GABRA5: variants seen among roughly 807,000 people sequenced by gnomAD.
The protein encoded by GABRA5 is gamma-aminobutyric acid type A receptor subunit alpha5, also known as gamma-aminobutyric acid receptor subunit alpha-5.
Under a neutral mutation model 47.3 loss-of-function variants are expected in GABRA5, and 18 were observed. The ratio of observed to expected loss-of-function variants is 0.38; its 90% CI spans 0.26 to 0.56. The LOEUF is 0.56. Among genes scored for constraint, GABRA5 ranks in the 20% least tolerant of loss-of-function variants. The pLI is 0.71. For missense variants in GABRA5, 365 were observed against 599.3 expected (o/e 0.61, Z 4.08); for synonymous variants, 237 against 229.3 (o/e 1.03, Z -0.30).
intron 4 of GABRA5, among the ~76,000 whole-genome samples, chr15:26,882,755 AT>A (rs1892764003): frequency 6.6e-6 from 1 of 151,892 alleles, no homozygotes; most frequent in Non-Finnish European, 1.5e-5. Context: ...CTCATCCTGA[AT>A]TGTCTGATGC....
intron 8 of GABRA5, chr15:26,939,661 T>C (rs1014027810): frequency 3.4e-6 from 2 of 596,748 alleles, no homozygotes; most frequent in African/African-American, 3.7e-5. Context: ...GACTGGAGAT[T>C]AGTAAAACAC....
chr15:26,876,629 G>A (rs1022679043), intron 3 of GABRA5, among the ~76,000 whole-genome samples: 1 of 152,174 alleles, frequency 6.6e-6, no homozygotes, highest in Non-Finnish European at 1.5e-5. Context: ...GTGAAGGCCT[G>A]GCAGAGTGGT....
intron 6 of GABRA5, among the ~76,000 whole-genome samples, chr15:26,892,930 A>G (rs562270911): frequency 6.8e-6 from 1 of 147,596 alleles, no homozygotes; most frequent in African/African-American, 2.5e-5. Context: ...TGATGTGTGT[A>G]TGGATGCGTG....
chr15:26,909,533 GC>G (rs1173552255), intron 6 of GABRA5, among the ~76,000 whole-genome samples: 1 of 152,182 alleles, frequency 6.6e-6, no homozygotes, highest in Non-Finnish European at 1.5e-5. Context: ...CTACAGTCAA[GC>G]TGTTGGCAGG....
intron 6 of GABRA5, among the ~76,000 whole-genome samples, chr15:26,890,976 T>A (rs1482118842): frequency 6.6e-6 from 1 of 152,200 alleles, no homozygotes; most frequent in Non-Finnish European, 1.5e-5. Flanking sequence ...GCCAATTTAA[T>A]AAAGAGTCAG....
intron 6 of GABRA5, among the ~76,000 whole-genome samples, chr15:26,892,021 G>A (rs920676445): frequency 6.6e-6 from 1 of 152,248 alleles, no homozygotes; most frequent in Non-Finnish European, 1.5e-5. Context: ...CCGCCTGGCA[G>A]GAGTGAGGCA....
chr15:26,902,900 A>G (rs146008306), intron 6 of GABRA5, among the ~76,000 whole-genome samples: 1,822 of 152,230 alleles, frequency 0.012, 21 homozygotes, highest in Middle Eastern at 0.02. Flanking sequence ...TAATATGAAC[A>G]TGTGATTTTT....
intron 10 of GABRA5, among the ~76,000 whole-genome samples, chr15:26,947,139 GA>G (rs1433715521): frequency 6.6e-6 from 1 of 152,178 alleles, no homozygotes; most frequent in Admixed American, 6.5e-5. Flanking sequence ...TGAAGGTAAA[GA>G]AGCGATGGCT....
In GABRA5 at chr15:26,948,394, T is replaced by A. The variant is rs1471568007; in HGVS notation, c.*161T>A. 5 of 660,564 alleles carry A rather than the reference T, an allele frequency of 7.6e-6. No homozygotes were observed. The highest frequency in any genetic ancestry group is 5.5e-5 in the African/African-American group (3 of 54,816). 40.9% of individuals were successfully genotyped at this position (660,564 alleles called of 1,614,324 possible). On this transcript the variant is annotated 3_prime_UTR_variant, in exon 11 of 11. Transcript: ENST00000335625. The stretch of plus-strand genomic sequence containing the variant: ...ATAATATTGCCTTGATGTTTCTATA[T>A]GTAACTTCAGATGTTTCCAAGATGT...
At chr15:26,902,002 T>C (rs1893338873) in intron 6 of GABRA5, among the ~76,000 whole-genome samples, 1 of 152,072 alleles carries the variant, frequency 6.6e-6, no homozygotes, top group South Asian at 2.1e-4. Flanking sequence ...CTTCTATTTA[T>C]CTAGTTGTCT....
intron 7 of GABRA5, among the ~76,000 whole-genome samples, chr15:26,930,561 T>G (rs1595430383): frequency 6.6e-6 from 1 of 152,182 alleles, no homozygotes; most frequent in East Asian, 1.9e-4. Context: ...TGTTCCTCAT[T>G]TTTTGTCTGA....
Position 26,883,552 on chromosome 15 carries a change from C to T in GABRA5, c.492C>T (p.Thr164=), listed in dbSNP as rs1244967251. The T allele has an allele frequency of 3.8e-6, 6 of 1,591,774 alleles. No homozygotes were observed. Among genetic ancestry groups the T allele is most frequent in the East Asian group, 2.2e-5 (1 of 44,480 alleles). ...AGGACGACGGCACCCTGCTCTACACCATGCGGTGAGCGCCGGGCGGGGGCG... is the reference window on the plus strand; with the variant it reads ...AGGACGACGGCACCCTGCTCTACACTATGCGGTGAGCGCCGGGCGGGGGCG... ...RLEDDGTLLY[T]MRLTISAECP... is the part of the protein sequence containing the mutation. Residue 164 remains threonine (T), a synonymous_variant, in exon 6 of 11, where the codon ACC becomes ACT. Coordinates refer to ENST00000335625, the MANE Select transcript of GABRA5 (RefSeq NM_000810.4). This position sits in a 1 kb window ranked among gnomAD's most constrained non-coding sequence, Gnocchi z 4.8.
chr15:26,887,447 A>G (rs1892905854), intron 6 of GABRA5, among the ~76,000 whole-genome samples: 1 of 152,114 alleles, frequency 6.6e-6, no homozygotes, highest in Non-Finnish European at 1.5e-5. Flanking sequence ...CTCCTGCCTC[A>G]GCCTCCCAAG....
At chr15:26,872,041 C>A (rs1892485486) in intron 3 of GABRA5, among the ~76,000 whole-genome samples, 1 of 152,164 alleles carries the variant, frequency 6.6e-6, no homozygotes, top group South Asian at 2.1e-4. Context: ...TTCACACATT[C>A]TGGCCAGCAG....
chr15:26,876,136 C>T (rs148458055), intron 3 of GABRA5, among the ~76,000 whole-genome samples: 5 of 152,262 alleles, frequency 3.3e-5, no homozygotes, highest in Admixed American at 6.5e-5. Context: ...TGCCTATGAT[C>T]GAGCTGGAGA....
chr15:26,923,743 T>G (rs1302760466), intron 7 of GABRA5, among the ~76,000 whole-genome samples: 1 of 152,178 alleles, frequency 6.6e-6, no homozygotes, highest in East Asian at 1.9e-4. Context: ...ATCTCAGCTC[T>G]TTTGTTACAC....
At chr15:26,936,937 C>A (rs1325833969) in intron 7 of GABRA5, among the ~76,000 whole-genome samples, 2 of 152,204 alleles carry the variant, frequency 1.3e-5, no homozygotes, top group African/African-American at 4.8e-5. Context: ...GTGCGCTCTG[C>A]AGAGAAACAC....
chr15:26,870,114 G>C (rs754026233), intron 3 of GABRA5, among the ~76,000 whole-genome samples: 2 of 152,206 alleles, frequency 1.3e-5, no homozygotes, highest in Admixed American at 6.5e-5. Flanking sequence ...TTAAATGTCA[G>C]GACAAAAGTT....
Position 26,933,760 on chromosome 15 carries a change from G to A in GABRA5, c.581-3425G>A, listed in dbSNP as rs543370656. Among the ~76,000 whole-genome samples, 4 of 152,282 alleles carry A rather than the reference G, an allele frequency of 2.6e-5. No individual in the cohort carries two copies. The East Asian group carries it at 7.7e-4, about 29-fold the overall frequency. On this transcript the variant is annotated intron_variant, in intron 7 of 10. Transcript: ENST00000335625. ...ACTTCCCATTTGATCTTGGGCAAGG[G>A]AAAGGGTGTGGCCAAACCCCACTCA...
Sources: gnomAD v4.1 joint callset for allele counts (sites outside exome capture counted in the v4.1 genomes callset) on GRCh38, gnomAD v4.1.1 for gene constraint, Gnocchi (gnomAD v3.1) non-coding constraint, MANE v1.5 for transcripts, NCBI Gene and HGNC (gene_info 2026-07-23, HGNC 2026-07-21) for gene names.